THRB: variants seen among roughly 807,000 people sequenced by gnomAD.
THRB encodes the protein thyroid hormone receptor beta.
Under a neutral mutation model 47.8 loss-of-function variants are expected in THRB, and 12 were observed. The observed-to-expected ratio is 0.25, with a 90% CI of 0.16 to 0.41. The LOEUF (loss-of-function observed/expected upper bound fraction) is 0.41, where lower values mean the gene tolerates loss of function less well. Among genes scored for constraint, THRB ranks in the 10% least tolerant of loss-of-function variants. THRB has a pLI of 1.00. For synonymous variants in THRB, 218 were observed against 212.2 expected, an observed-to-expected ratio of 1.03 and a Z score of -0.24; for missense variants, 348 against 589.2, an observed-to-expected ratio of 0.59 and a Z score of 4.24.
chr3:24,147,026 G>C (rs2036184939), intron 6 of THRB, among the ~76,000 whole-genome samples: 1 of 152,114 alleles, frequency 6.6e-6, no homozygotes, highest in Non-Finnish European at 1.5e-5. Flanking sequence ...GATGCCATAG[G>C]ACTACAGAGT....
rs1263856815 is a variant in THRB at position 24,130,495 on chromosome 3, A to AGGCT, written c.886-2742_886-2739dup. On this transcript the variant is annotated intron_variant, in intron 9 of 10. Transcript: ENST00000646209. Reference sequence around the variant, plus strand: ...ATTCAAAGGGTACCATATGACTGGCAGGCTGGCTAGAGTTGTAGGGGTGAC... The same window carrying AGGCT: ...ATTCAAAGGGTACCATATGACTGGCAGGCTGGCTGGCTAGAGTTGTAGGGGTGAC... Among the ~76,000 whole-genome samples the AGGCT allele has an allele frequency of 2.0e-5, 3 of 152,142 alleles. No homozygotes were observed. In the East Asian group the frequency reaches 5.8e-4, roughly 29 times the overall value.
intron 1 of THRB, among the ~76,000 whole-genome samples, chr3:24,366,855 T>C (rs1475924293): frequency 6.6e-6 from 1 of 151,924 alleles, no homozygotes; most frequent in Admixed American, 6.6e-5. Context: ...TCCTGACCTT[T>C]TGATCCACCC....
At chr3:24,242,418 A>G (rs1007712133) in intron 3 of THRB, among the ~76,000 whole-genome samples, 2 of 152,084 alleles carry the variant, frequency 1.3e-5, no homozygotes, top group African/African-American at 4.8e-5. Context: ...GATGCAACAC[A>G]ATAATGTTCT....
chr3:24,176,255 G>T (rs1014588666), intron 5 of THRB, among the ~76,000 whole-genome samples: 1 of 152,072 alleles, frequency 6.6e-6, no homozygotes. Flanking sequence ...AGATAAAGTA[G>T]ATATGTTTCC....
At chr3:24,472,287 T>C (rs930245550) in intron 1 of THRB, among the ~76,000 whole-genome samples, 1 of 152,196 alleles carries the variant, frequency 6.6e-6, no homozygotes, top group Non-Finnish European at 1.5e-5. Flanking sequence ...GAGACCCTCT[T>C]AATCTACTCT....
Position 24,399,463 on chromosome 3 carries a change from A to G in THRB, c.-260-62092T>C, listed in dbSNP as rs77919045. On this transcript the variant is annotated intron_variant, in intron 1 of 10. Transcript: ENST00000646209. ...AAAATGAAAATTCAGGGCCCTGTTT[A>G]GGAATAATGAGAATTGTAAGATGGT... Among the ~76,000 whole-genome samples the G allele has an allele frequency of 4.5e-4, 68 of 152,178 alleles. 1 individual carries two copies. The East Asian group carries it at 0.012, about 28-fold the overall frequency.
intron 4 of THRB, among the ~76,000 whole-genome samples, chr3:24,207,554 C>T (rs911053134): frequency 3.3e-5 from 5 of 152,134 alleles, no homozygotes; most frequent in Admixed American, 2.6e-4. Context: ...ATCTTGTCTC[C>T]TTCAGACTGA....
At chr3:24,449,216 A>C (rs2072404839) in intron 1 of THRB, among the ~76,000 whole-genome samples, 1 of 152,220 alleles carries the variant, frequency 6.6e-6, no homozygotes. Context: ...CATGGTGAAC[A>C]CTGTATACCA....
At chr3:24,392,088 T>C (rs544577003) in intron 1 of THRB, among the ~76,000 whole-genome samples, 12 of 152,290 alleles carry the variant, frequency 7.9e-5, no homozygotes, top group African/African-American at 2.9e-4. Context: ...CATCTTTTTA[T>C]TGAATCTTAC....
chr3:24,389,169 A>G (rs2066364422), intron 1 of THRB, among the ~76,000 whole-genome samples: 1 of 152,070 alleles, frequency 6.6e-6, no homozygotes, highest in African/African-American at 2.4e-5. Context: ...ATGAATACAG[A>G]TTTTTGGAGT....
intron 3 of THRB, among the ~76,000 whole-genome samples, chr3:24,269,455 C>T (rs113748932): frequency 2.7e-5 from 4 of 148,752 alleles, no homozygotes; most frequent in African/African-American, 5.1e-5. Flanking sequence ...AAGTTATCTT[C>T]GCTGTGTTGT....
chr3:24,222,221 T>C (rs1559648298), intron 4 of THRB, among the ~76,000 whole-genome samples: 1 of 152,186 alleles, frequency 6.6e-6, no homozygotes, highest in Non-Finnish European at 1.5e-5. Flanking sequence ...GTGATTTTCA[T>C]CCTCTTCTAC....
At chr3:24,267,211 T>C (rs2052751283) in intron 3 of THRB, among the ~76,000 whole-genome samples, 1 of 145,202 alleles carries the variant, frequency 6.9e-6, no homozygotes, top group Non-Finnish European at 1.5e-5. Flanking sequence ...GAAAATTTCA[T>C]AAAATAGTCA....
Position 24,375,378 on chromosome 3 carries a change from T to C in THRB, c.-260-38007A>G, listed in dbSNP as rs545861551. ...TATTAATATATTATATTTAGACATATAATATTAATATATTATAGTTAGACA... is the reference window on the plus strand; with the variant it reads ...TATTAATATATTATATTTAGACATACAATATTAATATATTATAGTTAGACA... On this transcript the variant is annotated intron_variant, in intron 1 of 10. Coordinates refer to ENST00000646209, the MANE Select transcript of THRB (RefSeq NM_001354712.2). Among the ~76,000 whole-genome samples the C allele has an allele frequency of 2.8e-5, 4 of 140,984 alleles. No homozygotes were observed. The East Asian group carries it at 5.9e-4, about 21-fold the overall frequency. The allele number at this position is 140,984 out of a possible 152,430, so 92.5% of individuals were successfully genotyped here.
Position 24,203,635 on chromosome 3 carries a change from A to G in THRB, c.23-13301T>C, listed in dbSNP as rs1201498338. Among the ~76,000 whole-genome samples the G allele has an allele frequency of 7.2e-5, 11 of 152,214 alleles. No individual in the cohort carries two copies. The East Asian group carries it at 1.7e-3, about 24-fold the overall frequency. Reference sequence around the variant, plus strand: ...CCAACTGAGGTACCAGGTTCATCTCACTGGGGCTTTTCGGACAGTGGGTGC... The same window carrying G: ...CCAACTGAGGTACCAGGTTCATCTCGCTGGGGCTTTTCGGACAGTGGGTGC... On this transcript the variant is annotated intron_variant, in intron 4 of 10. Transcript: ENST00000646209.
At chr3:24,426,648 T>C (rs1056638418) in intron 1 of THRB, among the ~76,000 whole-genome samples, 1 of 151,996 alleles carries the variant, frequency 6.6e-6, no homozygotes, top group African/African-American at 2.4e-5. Flanking sequence ...GATTTTTAGA[T>C]TAATTGTCTA....
intron 1 of THRB, among the ~76,000 whole-genome samples, chr3:24,464,174 A>G (rs947657548): frequency 2.0e-5 from 3 of 150,994 alleles, no homozygotes; most frequent in African/African-American, 7.3e-5. Flanking sequence ...TGAACCCGGG[A>G]GGCGGAGCCT....
intron 5 of THRB, among the ~76,000 whole-genome samples, chr3:24,152,945 A>C (rs2037205393): frequency 7.0e-6 from 1 of 142,594 alleles, no homozygotes; most frequent in South Asian, 2.4e-4. Flanking sequence ...CTGGGCGACA[A>C]GAGCGAAATT....
At chr3:24,380,687 G>A (rs2065638874) in intron 1 of THRB, among the ~76,000 whole-genome samples, 1 of 152,110 alleles carries the variant, frequency 6.6e-6, no homozygotes, top group Non-Finnish European at 1.5e-5. Flanking sequence ...GAACTGTACA[G>A]TACACAAAGC....
Sources: allele counts gnomAD v4.1 joint callset (sites outside exome capture counted in the v4.1 genomes callset), GRCh38; gene constraint gnomAD v4.1.1; transcripts MANE v1.5; gene names NCBI Gene and HGNC (gene_info 2026-07-23, HGNC 2026-07-21).